The following LUC7L3 variants were observed in gnomAD, a reference collection of about 807,000 sequenced individuals.
LUC7L3 encodes LUC7 like 3 pre-mRNA splicing factor.
Under a neutral mutation model 66.8 loss-of-function variants are expected in LUC7L3, and 6 were observed. That is an observed-to-expected ratio of 0.09 (90% CI 0.05 to 0.18). The LOEUF (loss-of-function observed/expected upper bound fraction) is 0.18. Ranked by LOEUF, LUC7L3 falls within the 10% of genes least tolerant of loss-of-function variation. LUC7L3 has a pLI of 1.00. For missense variants in LUC7L3, 341 were observed against 531.1 expected (o/e 0.64, Z 3.52); for synonymous variants, 160 against 174.7 (o/e 0.92, Z 0.66).
At chr17:50,724,520 C>T (rs1370005903) in intron 1 of LUC7L3, among the ~76,000 whole-genome samples, 1 of 144,306 alleles carries the variant, frequency 6.9e-6, no homozygotes, top group Admixed American at 6.9e-5. Context: ...CACTCTGTCT[C>T]AAAAAAAAAA....
In LUC7L3 at chr17:50,755,898, T is replaced by C. The variant is rs548187635; in HGVS notation, c.*5237T>C. 6.6e-6 allele frequency: 1 copy of C among 152,322 alleles called. No homozygotes were observed. Among genetic ancestry groups the C allele is most frequent in the South Asian group, 2.1e-4 (1 of 4,826 alleles). The allele number at this position is 152,322 out of a possible 1,614,324, so 9.4% of individuals were successfully genotyped here. On this transcript the variant is annotated 3_prime_UTR_variant, in exon 10 of 10. Transcript: ENST00000505658. ...CAGAAGTGAAACTGAACTGCAGCTG[T>C]GTATGTGAACATGGACAAAACTCAA...
rs1325178729 is a variant in LUC7L3 at position 50,755,454 on chromosome 17, C to T, written c.*4793C>T. On this transcript the variant is annotated 3_prime_UTR_variant, in exon 10 of 10. Transcript: ENST00000505658. ...AAAGGAGAGCACTTTTAAGTTGAAC[C>T]TGTAGTTTTAAAAAGTACATTTCAA... 6.6e-6 allele frequency: 1 copy of T among 152,136 alleles called. No homozygotes were observed. Among genetic ancestry groups the T allele is most frequent in the Admixed American group, 6.5e-5 (1 of 15,276 alleles). 9.4% of individuals were successfully genotyped at this position (152,136 alleles called of 1,614,324 possible).
chr17:50,748,482 ATT>A (rs68016612), intron 9 of LUC7L3: 155 of 141,470 alleles, frequency 1.1e-3, no homozygotes, highest in Admixed American at 1.8e-3. Flanking sequence ...TGCTTGGCTA[ATT>A]TTTTTTTTTT....
intron 1 of LUC7L3, among the ~76,000 whole-genome samples, chr17:50,726,512 C>T (rs1969194843): frequency 6.6e-6 from 1 of 152,232 alleles, no homozygotes; most frequent in African/African-American, 2.4e-5. Context: ...CCCTGAGACC[C>T]ATACGAAGTG....
intron 3 of LUC7L3, among the ~76,000 whole-genome samples, chr17:50,740,682 C>T (rs12600496): frequency 6.6e-6 from 1 of 152,066 alleles, no homozygotes; most frequent in Non-Finnish European, 1.5e-5. Context: ...CCTCAAACTC[C>T]CGAGTAGTTG....
intron 2 of LUC7L3, among the ~76,000 whole-genome samples, chr17:50,739,050 T>TA (rs1335996310): frequency 6.6e-6 from 1 of 152,146 alleles, no homozygotes; most frequent in Non-Finnish European, 1.5e-5. Context: ...CATTTTCAGA[T>TA]ATACAGGGTC....
chr17:50,728,480 A>C (rs11079926), intron 1 of LUC7L3, among the ~76,000 whole-genome samples: 94,236 of 152,088 alleles, frequency 0.62, 31,117 homozygotes, highest in African/African-American at 0.86. Flanking sequence ...ATATTTATAG[A>C]CTGTCATAAT....
At chr17:50,741,538 C>T (rs1970347305) in intron 4 of LUC7L3, 119 bp from the exon 5 acceptor site, 1 of 637,832 alleles carries the variant, frequency 1.6e-6, no homozygotes, top group Non-Finnish European at 2.7e-6. Flanking sequence ...AATTGAATTA[C>T]TATCCTTTCA....
chr17:50,725,927 C>T (rs1227878903), intron 1 of LUC7L3, among the ~76,000 whole-genome samples: 1 of 152,152 alleles, frequency 6.6e-6, no homozygotes, highest in East Asian at 1.9e-4. Context: ...GTAATAACTG[C>T]ATAAAATTAA....
At chr17:50,721,632 CAA>C (rs1378548587) in intron 1 of LUC7L3, among the ~76,000 whole-genome samples, 1 of 152,198 alleles carries the variant, frequency 6.6e-6, no homozygotes, top group Non-Finnish European at 1.5e-5. Flanking sequence ...TGAGCAAAAA[CAA>C]AGCACATGGT....
chr17:50,724,642 T>TGTGTGTCA (rs1464726625), intron 1 of LUC7L3, among the ~76,000 whole-genome samples: 1 of 144,990 alleles, frequency 6.9e-6, no homozygotes, highest in Non-Finnish European at 1.5e-5. Flanking sequence ...TGTGTGTGTG[T>TGTGTGTCA]GTGTCATTAT....
At position 50,755,687 on chromosome 17, in the gene LUC7L3, CCT is replaced by C. The variant is rs1460744358; in HGVS notation, c.*5032_*5033del. ...TTTGGTATAAGTGGGTGTGCCATAA[CCT>C]CTCTCGTAGCCATTCATTCCCGGAT... On this transcript the variant is annotated 3_prime_UTR_variant, in exon 10 of 10. Coordinates refer to ENST00000505658, the MANE Select transcript of LUC7L3 (RefSeq NM_016424.5). The C allele has an allele frequency of 1.3e-5, 2 of 152,186 alleles. No homozygotes were observed. The highest frequency in any genetic ancestry group is 2.1e-4 in the South Asian group (1 of 4,834). 9.4% of individuals were successfully genotyped at this position (152,186 alleles called of 1,614,324 possible).
intron 1 of LUC7L3, chr17:50,722,926 G>A (rs1968888966): frequency 6.6e-6 from 1 of 152,164 alleles, no homozygotes; most frequent in Non-Finnish European, 1.5e-5. Flanking sequence ...TTTTGCAATT[G>A]TTTGAGATTA....
At chr17:50,729,063 T>C (rs748625760) in intron 1 of LUC7L3, among the ~76,000 whole-genome samples, 8 of 152,126 alleles carry the variant, frequency 5.3e-5, no homozygotes, top group Non-Finnish European at 1.0e-4. Flanking sequence ...CTAGTTAATA[T>C]AAAGAAGAGT....
chr17:50,722,579 C>G (rs1334861726), intron 1 of LUC7L3: 2 of 152,138 alleles, frequency 1.3e-5, no homozygotes, highest in African/African-American at 4.8e-5. Flanking sequence ...TTGTGCATAT[C>G]TGCACAATTA....
rs1211601794 is a variant in LUC7L3 at position 50,753,893 on chromosome 17, T to C, written c.*3232T>C. The C allele has an allele frequency of 6.6e-6, 1 of 152,180 alleles. No individual in the cohort carries two copies. The highest frequency in any genetic ancestry group is 1.5e-5 in the Non-Finnish European group (1 of 68,016). 9.4% of individuals were successfully genotyped at this position (152,180 alleles called of 1,614,324 possible). A position where few individuals can be genotyped will look rare whatever the true frequency, so the allele number is the denominator to read the frequency against. On this transcript the variant is annotated 3_prime_UTR_variant, in exon 10 of 10. Coordinates refer to ENST00000505658, the MANE Select transcript of LUC7L3 (RefSeq NM_016424.5). ...CCTCTATGGACACTTAGATATATTG[T>C]AACTATTGAAGTTACCTGGGATGTG... is the stretch of plus-strand genomic sequence containing the variant.
Position 50,751,993 on chromosome 17 carries a change from T to C in LUC7L3, c.*1332T>C. The C allele has an allele frequency of 1.9e-6, 2 of 1,065,546 alleles. No individual in the cohort carries two copies. Among genetic ancestry groups the C allele is most frequent in the Non-Finnish European group, 2.3e-6 (2 of 876,272 alleles). 66.0% of individuals were successfully genotyped at this position (1,065,546 alleles called of 1,614,324 possible). On this transcript the variant is annotated 3_prime_UTR_variant, in exon 10 of 10. Transcript: ENST00000505658. Reference sequence around the variant, plus strand: ...CTTTTGGGAAAGCAATGTAAGGTTATGTCTGTGTATGTCATTCACACTTAG... The same window carrying C: ...CTTTTGGGAAAGCAATGTAAGGTTACGTCTGTGTATGTCATTCACACTTAG...
intron 1 of LUC7L3, among the ~76,000 whole-genome samples, chr17:50,727,013 C>T (rs942010248): frequency 1.8e-4 from 28 of 152,000 alleles, no homozygotes; most frequent in African/African-American, 6.3e-4. Flanking sequence ...TTCTTGAACC[C>T]GGGAGGCGGA....
intron 1 of LUC7L3, among the ~76,000 whole-genome samples, chr17:50,727,385 C>G (rs191387522): frequency 6.6e-6 from 1 of 152,146 alleles, no homozygotes; most frequent in South Asian, 2.1e-4. Flanking sequence ...AGCTAGCATG[C>G]GCAAAGATCA....
Sources: gnomAD v4.1 joint callset for allele counts (sites outside exome capture counted in the v4.1 genomes callset) on GRCh38, gnomAD v4.1.1 for gene constraint, MANE v1.5 for transcripts, NCBI Gene and HGNC (gene_info 2026-07-23, HGNC 2026-07-21) for gene names.